CAST: variants seen among roughly 807,000 people sequenced by gnomAD.
CAST encodes the protein MIR583 host.
CAST carries 76 observed loss-of-function variants against 119.6 expected under a neutral mutation model. The observed-to-expected ratio is 0.64, with a 90% confidence interval of 0.53 to 0.77. The LOEUF (loss-of-function observed/expected upper bound fraction) is 0.77. Among genes scored for constraint, CAST ranks in the 30% least tolerant of loss-of-function variants. The probability of loss-of-function intolerance (pLI) is 0.00; values close to 1 mark genes in which losing one functional copy is unlikely to be tolerated. For missense variants in CAST, 953 were observed against 946.5 expected (o/e 1.01, Z -0.09); for synonymous variants, 319 against 331.6 (o/e 0.96, Z 0.41).
chr5:96,288,263 C>T, the CAST span, among the ~76,000 whole-genome samples: 2 of 152,146 alleles, frequency 1.3e-5, no homozygotes, highest in South Asian at 4.1e-4. Flanking sequence ...TTTTCCTCCT[C>T]ACATTTGGAG....
At chr5:96,476,212 T>G in the CAST span, among the ~76,000 whole-genome samples, 1 of 152,216 alleles carries the variant, frequency 6.6e-6, no homozygotes, top group Non-Finnish European at 1.5e-5. Context: ...GTTGTTTTAG[T>G]GCACATTGGA....
chr5:96,662,358 C>A, upstream of CAST: 2 of 1,340,308 alleles, frequency 1.5e-6, no homozygotes, highest in South Asian at 1.7e-5. Context: ...GCAGGACTCC[C>A]CGCCAGGCCT....
the CAST span, among the ~76,000 whole-genome samples, chr5:95,983,192 C>G: frequency 1.3e-5 from 2 of 152,172 alleles, no homozygotes; most frequent in African/African-American, 4.8e-5. Context: ...GTTGATGACT[C>G]TAAAAGTCAG....
At chr5:96,457,223 A>ATTC in the CAST span, among the ~76,000 whole-genome samples, 1 of 152,068 alleles carries the variant, frequency 6.6e-6, no homozygotes, top group South Asian at 2.1e-4. Flanking sequence ...AAAGCTCCCC[A>ATTC]TTCTTCTTTG....
At chr5:96,116,152 C>T in the CAST span, among the ~76,000 whole-genome samples, 4 of 152,188 alleles carry the variant, frequency 2.6e-5, no homozygotes, top group South Asian at 8.3e-4. Context: ...CTTTCTGTCA[C>T]TCTAGTTTTA....
chr5:96,357,682 G>A, the CAST span, among the ~76,000 whole-genome samples: 6 of 152,112 alleles, frequency 3.9e-5, no homozygotes, highest in Admixed American at 2.6e-4. Flanking sequence ...GGATGAAGCC[G>A]AGTTGATTGT....
At position 96,617,585 on chromosome 5, in the gene CAST, C is replaced by G. The variant is rs569055924; in HGVS notation, c.61-57954C>G. Among the ~76,000 whole-genome samples, 110 of 151,692 alleles carry G rather than the reference C, an allele frequency of 7.3e-4. No homozygotes were observed. The South Asian group carries it at 7.7e-3, about 11-fold the overall frequency. On this transcript the variant is annotated intron_variant, in intron 1 of 11. Transcript: ENST00000505143. Reference sequence around the variant, plus strand: ...CGGGCGAATCACAAGGTCAGGAGATCGAGACCATCCTGGCTAACACAGTGA... The same window carrying G: ...CGGGCGAATCACAAGGTCAGGAGATGGAGACCATCCTGGCTAACACAGTGA...
the CAST span, among the ~76,000 whole-genome samples, chr5:95,978,539 A>C: frequency 6.6e-6 from 1 of 151,508 alleles, no homozygotes; most frequent in East Asian, 1.9e-4. Flanking sequence ...TAGATGCTGG[A>C]TATTAGACCT....
At chr5:96,041,172 G>C in the CAST span, among the ~76,000 whole-genome samples, 1 of 152,094 alleles carries the variant, frequency 6.6e-6, no homozygotes. Context: ...GTATGGGGTT[G>C]GGGGTGAAAA....
the CAST span, among the ~76,000 whole-genome samples, chr5:96,264,331 C>T: frequency 1.3e-5 from 2 of 152,192 alleles, no homozygotes; most frequent in Non-Finnish European, 2.9e-5. Flanking sequence ...TAAGTCTACT[C>T]GTATTCTTTA....
At chr5:96,147,371 G>A in the CAST span, among the ~76,000 whole-genome samples, 3 of 152,146 alleles carry the variant, frequency 2.0e-5, no homozygotes, top group Non-Finnish European at 2.9e-5. Flanking sequence ...TTGGGAGGCC[G>A]AGGCGGGCGG....
intron 1 of CAST, among the ~76,000 whole-genome samples, chr5:96,619,711 A>C (rs967950321): frequency 1.3e-5 from 2 of 151,544 alleles, no homozygotes; most frequent in Non-Finnish European, 2.9e-5. Context: ...AAACATCAGA[A>C]TAACAAACTC....
chr5:96,294,518 C>T, the CAST span, among the ~76,000 whole-genome samples: 1 of 152,206 alleles, frequency 6.6e-6, no homozygotes, highest in African/African-American at 2.4e-5. Context: ...TCTGTCTACA[C>T]AGAAGAAACA....
upstream of CAST, among the ~76,000 whole-genome samples, chr5:96,527,973 T>C (rs1009247500): frequency 2.6e-5 from 4 of 152,192 alleles, no homozygotes; most frequent in Non-Finnish European, 5.9e-5. Flanking sequence ...GGATGAATGA[T>C]GGGAAGATAG....
the CAST span, among the ~76,000 whole-genome samples, chr5:96,410,596 C>T: frequency 6.6e-6 from 1 of 151,910 alleles, no homozygotes; most frequent in South Asian, 2.1e-4. Flanking sequence ...TGTCATTATC[C>T]CTGGAGAGAA....
chr5:96,704,838 C>T lies in CAST; in HGVS notation c.210+8931C>T, dbSNP rs75090667. ...TTGCATTTAATTTTTTCTCTATGGA[C>T]GCTCTTGACTTAAAAATGTCATCTT... On this transcript the variant is annotated intron_variant, in intron 3 of 31. Coordinates refer to ENST00000675179, the MANE Select transcript of CAST (RefSeq NM_001750.7). Among the ~76,000 whole-genome samples, 985 of 152,232 alleles carry T rather than the reference C, an allele frequency of 6.5e-3. 15 individuals carry two copies. Among genetic ancestry groups the T allele is most frequent in the African/African-American group, 0.023 (950 of 41,534 alleles).
At chr5:96,368,168 G>A in the CAST span, among the ~76,000 whole-genome samples, 1 of 150,310 alleles carries the variant, frequency 6.7e-6, no homozygotes, top group Non-Finnish European at 1.5e-5. Flanking sequence ...GCTTTTCCTT[G>A]GAGTTACTAA....
chr5:96,001,576 T>G, the CAST span, among the ~76,000 whole-genome samples: 1 of 152,230 alleles, frequency 6.6e-6, no homozygotes. Context: ...TGGGACTGTA[T>G]AAAGAACTTG....
the CAST span, among the ~76,000 whole-genome samples, chr5:96,163,689 G>A: frequency 6.6e-6 from 1 of 152,164 alleles, no homozygotes; most frequent in East Asian, 1.9e-4. Flanking sequence ...GACATCCTTA[G>A]TACCAAATTT....
Sources: allele counts gnomAD v4.1 joint callset (sites outside exome capture counted in the v4.1 genomes callset), GRCh38; gene constraint gnomAD v4.1.1; transcripts MANE v1.5; gene names NCBI Gene and HGNC (gene_info 2026-07-23, HGNC 2026-07-21).